The following CEP76 variants were observed in gnomAD, a reference collection of about 807,000 sequenced individuals.
CEP76 encodes centrosomal protein 76, also known as centrosomal protein of 76 kDa.
CEP76 carries 55 observed loss-of-function variants against 83.3 expected under a neutral mutation model. That is an observed-to-expected ratio of 0.66 (90% CI 0.53 to 0.83). The LOEUF (loss-of-function observed/expected upper bound fraction) is 0.83. CEP76 is among the 40% of genes least tolerant of loss of function. The pLI is 0.00. For missense variants in CEP76, 694 were observed against 799.5 expected (o/e 0.87, Z 1.59); for synonymous variants, 270 against 274.5 (o/e 0.98, Z 0.16).
chr18:12,666,979 A>G (rs2038816715), intron 12 of CEP76, among the ~76,000 whole-genome samples: 1 of 152,166 alleles, frequency 6.6e-6, no homozygotes, highest in South Asian at 2.1e-4. Context: ...TTAAGCTAAT[A>G]TAAATCTCAA....
In CEP76 at chr18:12,673,368, T is replaced by C. The variant is rs755135507; in HGVS notation, c.1977A>G (p.Leu659=). ...IMFACKYRSV[L] ...AAATCTTATATAAATATTGGCCCTATAATACCGAGCGATATTTACAAGCAA... is the reference window on the plus strand; with the variant it reads ...AAATCTTATATAAATATTGGCCCTACAATACCGAGCGATATTTACAAGCAA... Residue 659 remains leucine, a synonymous_variant, in exon 12 of 12, where the codon TTA becomes TTG. Transcript: ENST00000262127. The C allele has an allele frequency of 1.2e-6, 2 of 1,606,070 alleles. No homozygotes were observed. The highest frequency in any genetic ancestry group is 4.5e-5 in the East Asian group (2 of 44,188).
intron 12 of CEP76, among the ~76,000 whole-genome samples, chr18:12,664,652 T>A (rs2038768898): frequency 6.6e-6 from 1 of 151,556 alleles, no homozygotes; most frequent in Non-Finnish European, 1.5e-5. Flanking sequence ...CCCAAAGTGC[T>A]GGGATTACAG....
chr18:12,670,459 T>C (rs1381828388), downstream of CEP76: 2 of 152,218 alleles, frequency 1.3e-5, no homozygotes, highest in East Asian at 3.8e-4. Flanking sequence ...TTACAGAGTT[T>C]ACACCAAAAG....
At chr18:12,683,978 AAAATCTAAAT>A (rs1287298639) in intron 8 of CEP76, among the ~76,000 whole-genome samples, 2 of 150,618 alleles carry the variant, frequency 1.3e-5, no homozygotes, top group Non-Finnish European at 3.0e-5. Flanking sequence ...TGTACAGTAA[AAAATCTAAAT>A]ATATATATGA....
At chr18:12,676,376 C>T (rs1423788699) in intron 10 of CEP76, among the ~76,000 whole-genome samples, 2 of 150,890 alleles carry the variant, frequency 1.3e-5, no homozygotes, top group African/African-American at 4.9e-5. Context: ...CTCTGCCTCC[C>T]CGGCTCCTTT....
rs1205192522 is a variant in CEP76, at chr18:12,691,398, T to C, written c.894A>G (p.Arg298=). The part of the protein sequence containing the change: ...KQWWREYLQI[R]PSHNSRLVKI... ...TAACCAGTCGTGAGTTGTGTGAGGG[T>C]CGAATTTGCAAATATTCTCTCCACC... Residue 298 remains arginine, a synonymous_variant, in exon 7 of 12, where the codon CGA becomes CGG. Transcript: ENST00000262127. 2.5e-6 allele frequency: 4 copies of C among 1,607,712 alleles called. No individual in the cohort carries two copies. Among genetic ancestry groups the C allele is most frequent in the Non-Finnish European group, 3.4e-6 (4 of 1,176,608 alleles).
intron 6 of CEP76, among the ~76,000 whole-genome samples, chr18:12,694,635 A>G (rs773526535): frequency 5.8e-4 from 88 of 152,232 alleles, no homozygotes; most frequent in Non-Finnish European, 1.1e-3. Flanking sequence ...AACGCCTGCG[A>G]AAGAACGTTA....
intron 7 of CEP76, among the ~76,000 whole-genome samples, chr18:12,688,172 A>G (rs1442492484): frequency 6.8e-6 from 1 of 146,916 alleles, no homozygotes; most frequent in Non-Finnish European, 1.5e-5. Context: ...CGGAGCTTGC[A>G]GTGAGCCGAG....
At position 12,673,398 on chromosome 18, in the gene CEP76, G is replaced by C. The variant is rs780897774; in HGVS notation, c.1947C>G (p.Ile649Met). 2.5e-6 allele frequency: 4 copies of C among 1,606,386 alleles called. No homozygotes were observed. Among genetic ancestry groups the C allele is most frequent in the Non-Finnish European group, 3.4e-6 (4 of 1,177,392 alleles). ...CCGAGCGATATTTACAAGCAAACATGATCCAAACAGCACATGCAGATTCAG... is the reference window on the plus strand; with the variant it reads ...CCGAGCGATATTTACAAGCAAACATCATCCAAACAGCACATGCAGATTCAG... ...TYPESACAVW[I>M]MFACKYRSVL The change falls in exon 12 of 12, where the codon ATC (isoleucine) becomes ATG (methionine). Residue 649 changes from isoleucine (I) to methionine (M), a missense_variant. Physicochemically the swap from Ile to Met is conservative, Grantham distance 10. Transcript: ENST00000262127.
intron 4 of CEP76, among the ~76,000 whole-genome samples, chr18:12,698,475 T>A (rs2040038904): frequency 6.6e-6 from 1 of 152,132 alleles, no homozygotes; most frequent in Non-Finnish European, 1.5e-5. Context: ...AGCCTATTTT[T>A]TATTTTTTGT....
In CEP76 at chr18:12,662,059, C is replaced by T. The variant is rs182115744; in HGVS notation, c.*1838G>A. 515 of 364,364 alleles carry T rather than the reference C, an allele frequency of 1.4e-3. 1 individual carries two copies. Among genetic ancestry groups the T allele is most frequent in the African/African-American group, 0.011 (492 of 46,042 alleles). The allele number at this position is 364,364 out of a possible 1,614,324, so 22.6% of individuals were successfully genotyped here. ...GAATAAGTGTACTTCATGCTTCATA[C>T]TCTGGAGGTACTGGCTGTGCTGCTC... On this transcript the variant is annotated 3_prime_UTR_variant and NMD_transcript_variant, in exon 13 of 13. Transcript: ENST00000590143.
intron 8 of CEP76, among the ~76,000 whole-genome samples, chr18:12,682,701 T>C (rs1053149395): frequency 2.0e-5 from 3 of 152,072 alleles, no homozygotes; most frequent in African/African-American, 7.2e-5. Context: ...TGACCTCGGC[T>C]CACTACAACC....
downstream of CEP76, among the ~76,000 whole-genome samples, chr18:12,671,638 CTTTCT>C (rs1375434855): frequency 0.017 from 1,405 of 82,912 alleles, 10 homozygotes; most frequent in African/African-American, 0.041. Flanking sequence ...AGGTTTCACA[CTTTCT>C]TTTTTTTTTT....
At chr18:12,674,827 A>T in intron 10 of CEP76, 74 bp from the exon 11 acceptor site, 1 of 886,840 alleles carries the variant, frequency 1.1e-6, no homozygotes, top group South Asian at 1.9e-5. Context: ...AAAAATGTTG[A>T]TTATTTTAAT....
chr18:12,662,791 CA>C (rs2038722295), intron 12 of CEP76, among the ~76,000 whole-genome samples: 2 of 152,028 alleles, frequency 1.3e-5, no homozygotes, highest in African/African-American at 4.8e-5. Context: ...AAAAGAAAAA[CA>C]TTTTTTTTGA....
rs775426277 is a variant in CEP76, at chr18:12,697,389, A to G, written c.540T>C (p.Ala180=). The G allele has an allele frequency of 6.8e-6, 11 of 1,610,372 alleles. No individual in the cohort carries two copies. In the African/African-American group the frequency reaches 1.5e-4, roughly 22 times the overall value. Reference sequence around the variant, plus strand: ...TTATTGATAACATTGTTGTTGAATCAGCCATTCTAGTTCCATCACCTAGCA... The same window carrying G: ...TTATTGATAACATTGTTGTTGAATCGGCCATTCTAGTTCCATCACCTAGCA... ...RESLGDGTRM[A]DSTTMLSISD... The change falls in exon 5 of 12, where the codon GCT becomes GCC. Residue 180 remains alanine, a synonymous_variant. Transcript: ENST00000262127.
rs1347255033 is a variant in CEP76 at position 12,702,501 on chromosome 18, G to A, written c.48C>T (p.His16=). The part of the protein sequence containing the change: ...EKASELKQLI[H]QQLSKMDVHG... ...CGACTCTCACCTTGCTCAGCTGCTG[G>A]TGGATGAGCTGCTTCAGCTCGGAGG... Residue 16 remains histidine (H), a synonymous_variant, in exon 1 of 12, where the codon CAC becomes CAT. Transcript: ENST00000262127. The A allele has an allele frequency of 6.2e-7, 1 of 1,609,912 alleles. No individual in the cohort carries two copies. The highest frequency in any genetic ancestry group is 2.2e-5 in the East Asian group (1 of 44,614).
chr18:12,689,766 A>ATG (rs762583193), intron 7 of CEP76, among the ~76,000 whole-genome samples: 1 of 151,068 alleles, frequency 6.6e-6, no homozygotes, highest in Non-Finnish European at 1.5e-5. Context: ...GAGCCAGTTT[A>ATG]TATATATATA....
At position 12,686,431 on chromosome 18, in the gene CEP76, C is replaced by A; in HGVS notation, c.953G>T (p.Arg318Ile). 1 of 1,609,918 alleles carries A rather than the reference C, an allele frequency of 6.2e-7. No individual in the cohort carries two copies. The highest frequency in any genetic ancestry group is 1.1e-5 in the South Asian group (1 of 89,976). Residue 318 changes from arginine (R) to isoleucine (I), a missense_variant, in exon 8 of 12, where the codon AGA (arginine) becomes ATA (isoleucine). Physicochemically the swap from Arg to Ile is moderately conservative, Grantham distance 97. Coordinates refer to ENST00000262127, the MANE Select transcript of CEP76 (RefSeq NM_024899.4). ...TGGTTTAACATAGGAACAGACTGGT[C>A]TATTTATCCCATTTTCATCCTAGGG... is the stretch of plus-strand genomic sequence containing the variant. ...IFAQDENGIN[R>I]PVCSYVKPLR... is the part of the protein sequence containing the mutation.
Sources: gnomAD v4.1 joint callset for allele counts (sites outside exome capture counted in the v4.1 genomes callset) on GRCh38, gnomAD v4.1.1 for gene constraint, MANE v1.5 for transcripts, NCBI Gene and HGNC (gene_info 2026-07-23, HGNC 2026-07-21) for gene names.